ADAM19: variants seen among roughly 807,000 people sequenced by gnomAD.
The protein encoded by ADAM19 is ADAM metallopeptidase domain 19.
A neutral mutation model predicts 114.7 loss-of-function variants in ADAM19; 65 were observed. The ratio of observed to expected loss-of-function variants is 0.57; its 90% CI spans 0.46 to 0.70. The LOEUF (loss-of-function observed/expected upper bound fraction) is 0.70. ADAM19 is among the 30% of genes least tolerant of loss of function. ADAM19 has a pLI of 0.00. For missense variants in ADAM19, 1,063 were observed against 1,204.7 expected, an observed-to-expected ratio of 0.88 and a Z score of 1.74; for synonymous variants, 466 against 460.5, an observed-to-expected ratio of 1.01 and a Z score of -0.15.
At chr5:157,496,494 T>C (rs1196652328) in intron 14 of ADAM19, among the ~76,000 whole-genome samples, 1 of 152,078 alleles carries the variant, frequency 6.6e-6, no homozygotes, top group African/African-American at 2.4e-5. Flanking sequence ...ATTGTTGTTA[T>C]ATTATTATTA....
intron 3 of ADAM19, among the ~76,000 whole-genome samples, chr5:157,556,430 G>A (rs1046599191): frequency 3.9e-5 from 6 of 151,944 alleles, no homozygotes; most frequent in African/African-American, 1.5e-4. Flanking sequence ...TGTTAGTCAG[G>A]CTGGTCTCGA....
At chr5:157,570,632 A>T (rs1299282721) in intron 2 of ADAM19, 4 of 363,000 alleles carry the variant, frequency 1.1e-5, no homozygotes, top group African/African-American at 2.1e-5. Context: ...GATTTCTGTG[A>T]CACCAACACA....
chr5:157,575,470 G>C, intron 1 of ADAM19, 133 bp downstream of exon 1: 1 of 599,038 alleles, frequency 1.7e-6, no homozygotes, highest in South Asian at 3.2e-5. Context: ...TCCCAGGCTG[G>C]GGACGGCGGG....
At position 157,479,947 on chromosome 5, in the gene ADAM19, A is replaced by G; in HGVS notation, c.*1002T>C. On this transcript the variant is annotated 3_prime_UTR_variant, in exon 23 of 23. Transcript: ENST00000257527. ...GCTGAGGTCACAAAACACAATGAAA[A>G]ATAAACATATGACCCCAATGGCCAT... 1 of 985,926 alleles carries G rather than the reference A, an allele frequency of 1.0e-6. No individual in the cohort carries two copies. The highest frequency in any genetic ancestry group is 4.7e-5 in the South Asian group (1 of 21,286). The allele number at this position is 985,926 out of a possible 1,614,324, so 61.1% of individuals were successfully genotyped here. A position where few individuals can be genotyped will look rare whatever the true frequency, so the allele number is the denominator to read the frequency against.
At chr5:157,546,915 A>T (rs1013043169) in intron 3 of ADAM19, among the ~76,000 whole-genome samples, 2 of 152,212 alleles carry the variant, frequency 1.3e-5, no homozygotes, top group African/African-American at 4.8e-5. Flanking sequence ...GTTTTCAACA[A>T]AAGCCGGTTT....
chr5:157,537,967 T>C lies in ADAM19; in HGVS notation c.276A>G (p.Thr92=). 1 of 1,614,136 alleles carries C rather than the reference T, an allele frequency of 6.2e-7. No homozygotes were observed. The highest frequency in any genetic ancestry group is 8.5e-7 in the Non-Finnish European group (1 of 1,180,016). The change falls in exon 4 of 23, where the codon ACA becomes ACG. Residue 92 remains threonine, a synonymous_variant. Coordinates refer to ENST00000257527, the MANE Select transcript of ADAM19 (RefSeq NM_033274.5). The part of the protein sequence containing the change: ...KNEQLFAPSY[T]ETHYTSSGNP... The stretch of plus-strand genomic sequence containing the variant: ...TACCACTTGAAGTATAATGGGTTTC[T>C]GTGTAGGAAGGAGCAAAAAGTTGCC...
intron 3 of ADAM19, among the ~76,000 whole-genome samples, chr5:157,546,194 C>G (rs1757043332): frequency 6.6e-6 from 1 of 152,234 alleles, no homozygotes; most frequent in Non-Finnish European, 1.5e-5. Context: ...CCAGAAGGCA[C>G]TGTTTCACAG....
At chr5:157,570,228 C>G (rs1757783366) in intron 2 of ADAM19, among the ~76,000 whole-genome samples, 1 of 152,168 alleles carries the variant, frequency 6.6e-6, no homozygotes, top group African/African-American at 2.4e-5. Context: ...TCACTGCACT[C>G]CAGCCTGTGC....
chr5:157,481,819 G>T lies in ADAM19; in HGVS notation c.2675C>A (p.Ser892Tyr). ...LRPPGAGPQQ[S>Y]RPLAALAPKF... ...TGGGGCAAGTGCTGCCAGAGGCCGG[G>T]ACTGCTGAGGGCCAGCACCAGGGGG... The change falls in exon 22 of 23, where the codon TCC becomes TAC. Residue 892 changes from serine to tyrosine, a missense_variant. Coordinates refer to ENST00000257527, the MANE Select transcript of ADAM19 (RefSeq NM_033274.5). The T allele has an allele frequency of 6.3e-7, 1 of 1,579,012 alleles. No individual in the cohort carries two copies. The highest frequency in any genetic ancestry group is 2.3e-5 in the East Asian group (1 of 43,468).
intron 2 of ADAM19, chr5:157,566,444 GC>G: frequency 6.6e-6 from 1 of 152,192 alleles, no homozygotes; most frequent in East Asian, 1.9e-4. Flanking sequence ...GTTTACAATT[GC>G]TTTCACAGTT....
intron 3 of ADAM19, among the ~76,000 whole-genome samples, chr5:157,541,734 A>C (rs894222970): frequency 1.3e-5 from 2 of 152,192 alleles, no homozygotes; most frequent in African/African-American, 2.4e-5. Context: ...AACTCAGGAC[A>C]ATTCCTTTAA....
At chr5:157,525,339 C>T (rs1756422450) in intron 5 of ADAM19, among the ~76,000 whole-genome samples, 1 of 152,154 alleles carries the variant, frequency 6.6e-6, no homozygotes, top group African/African-American at 2.4e-5. Context: ...CCTCCTTCTG[C>T]CCCAGGCTCC....
intron 3 of ADAM19, among the ~76,000 whole-genome samples, chr5:157,558,940 TA>T (rs1757434149): frequency 6.6e-6 from 1 of 152,194 alleles, no homozygotes; most frequent in African/African-American, 2.4e-5. Flanking sequence ...ATTACTCCAT[TA>T]GCACTGAATG....
At chr5:157,515,793 A>G (rs1756073340) in intron 7 of ADAM19, among the ~76,000 whole-genome samples, 1 of 152,144 alleles carries the variant, frequency 6.6e-6, no homozygotes, top group Non-Finnish European at 1.5e-5. Flanking sequence ...CTGTGTTTAC[A>G]GTTATCCTGT....
intron 4 of ADAM19, among the ~76,000 whole-genome samples, chr5:157,536,084 A>G (rs965138966): frequency 6.6e-6 from 1 of 152,236 alleles, no homozygotes; most frequent in African/African-American, 2.4e-5. Flanking sequence ...CACCGGCCAC[A>G]CTACCAACTC....
At chr5:157,488,133 A>G (rs1755010902) in intron 21 of ADAM19, 132 bp downstream of exon 21, 1 of 884,360 alleles carries the variant, frequency 1.1e-6, no homozygotes, top group Non-Finnish European at 1.8e-6. Flanking sequence ...GCGCCCCCGT[A>G]TTGACTGAAT....
At position 157,491,656 on chromosome 5, in the gene ADAM19, C is replaced by A; in HGVS notation, c.2054G>T (p.Gly685Val). The change falls in exon 18 of 23, where the codon GGC (glycine) becomes GTC (valine). Residue 685 changes from glycine (G) to valine (V), a missense_variant. Physicochemically the swap from Gly to Val is moderately radical, Grantham distance 109. Around this residue, in one of 3 missense-constraint regions of ADAM19, gnomAD observed 424 missense variants for 445.5 expected, o/e 0.95. Transcript: ENST00000257527. ...CCCACTGTCGATACTGCCCCCGTGG[C>A]CCGGTGTGTTGCAGAAGGGCGGGGC... ...GWAPPFCNTP[G>V]HGGSIDSGPM... is the part of the protein sequence containing the mutation. 6.4e-7 allele frequency: 1 copy of A among 1,564,940 alleles called. No homozygotes were observed.
intron 12 of ADAM19, 130 bp downstream of exon 12, chr5:157,502,673 T>C (rs1755606572): frequency 2.1e-6 from 2 of 965,146 alleles, no homozygotes; most frequent in Non-Finnish European, 3.2e-6. Context: ...TGATTTTTCA[T>C]GGGGTATTGG....
chr5:157,486,028 G>C (rs1266349317), intron 21 of ADAM19, among the ~76,000 whole-genome samples: 1 of 152,212 alleles, frequency 6.6e-6, no homozygotes, highest in African/African-American at 2.4e-5. Flanking sequence ...TAGCAGAACT[G>C]AAGAAGTGAT....
Sources: allele counts gnomAD v4.1 joint callset (sites outside exome capture counted in the v4.1 genomes callset), GRCh38; gene constraint gnomAD v4.1.1; regional missense constraint gnomAD v4.1.1; transcripts MANE v1.5; gene names NCBI Gene and HGNC (gene_info 2026-07-23, HGNC 2026-07-21).